TMEM108: variants seen among roughly 807,000 people sequenced by gnomAD.
TMEM108 encodes the protein cancer/testis antigen 124.
A neutral mutation model predicts 35.1 loss-of-function variants in TMEM108; 12 were observed. That is an observed-to-expected ratio of 0.34 (90% CI 0.22 to 0.55). TMEM108 has a LOEUF of 0.55. Ranked by LOEUF, TMEM108 falls within the 20% of genes least tolerant of loss-of-function variation. TMEM108 has a pLI of 0.89. For synonymous variants in TMEM108, 287 were observed against 308.6 expected, an observed-to-expected ratio of 0.93 and a Z score of 0.73; for missense variants, 680 against 753.3, an observed-to-expected ratio of 0.90 and a Z score of 1.14.
At chr3:133,324,704 G>A (rs190748788) in intron 3 of TMEM108, among the ~76,000 whole-genome samples, 31 of 152,264 alleles carry the variant, frequency 2.0e-4, no homozygotes, top group Non-Finnish European at 4.4e-5. Context: ...GTGGCTGAAC[G>A]CAGTGGCTCA....
chr3:133,202,207 G>A (rs35971054), intron 2 of TMEM108, among the ~76,000 whole-genome samples: 19,963 of 152,170 alleles, frequency 0.13, 1,424 homozygotes, highest in South Asian at 0.22. Flanking sequence ...TTTGTCAGAT[G>A]GATAGATTGC....
intron 2 of TMEM108, among the ~76,000 whole-genome samples, chr3:133,053,768 T>A (rs887533118): frequency 3.3e-5 from 5 of 152,206 alleles, no homozygotes; most frequent in African/African-American, 1.2e-4. Flanking sequence ...CAGTCCATAT[T>A]CTACTTTTAG....
intron 3 of TMEM108, among the ~76,000 whole-genome samples, chr3:133,286,659 C>T (rs1392223289): frequency 6.6e-6 from 1 of 152,214 alleles, no homozygotes; most frequent in East Asian, 1.9e-4. Flanking sequence ...TTCAACAATT[C>T]TGAAAATTCT....
intron 3 of TMEM108, among the ~76,000 whole-genome samples, chr3:133,347,596 T>C (rs1371333566): frequency 6.6e-6 from 1 of 152,142 alleles, no homozygotes; most frequent in Non-Finnish European, 1.5e-5. Context: ...AAAGTTTTAT[T>C]TATTCTCAAT....
chr3:133,246,078 G>A (rs989647534), intron 3 of TMEM108: 12 of 151,422 alleles, frequency 7.9e-5, no homozygotes, highest in African/African-American at 2.7e-4. Flanking sequence ...ACTTACGATT[G>A]GAAAAGTAGA....
chr3:133,313,201 ATT>A (rs556757614), intron 3 of TMEM108, among the ~76,000 whole-genome samples: 3 of 144,760 alleles, frequency 2.1e-5, no homozygotes, highest in East Asian at 2.0e-4. Context: ...CATATATATA[ATT>A]TTTTTTTTTT....
At chr3:133,286,476 G>GGC (rs1946987660) in intron 3 of TMEM108, among the ~76,000 whole-genome samples, 1 of 152,164 alleles carries the variant, frequency 6.6e-6, no homozygotes, top group Non-Finnish European at 1.5e-5. Context: ...CAGGACTACA[G>GGC]GCACATGCCA....
intron 3 of TMEM108, among the ~76,000 whole-genome samples, chr3:133,337,056 C>G (rs1036816600): frequency 1.3e-5 from 2 of 152,134 alleles, no homozygotes; most frequent in African/African-American, 4.8e-5. Context: ...GGTAGGTAGA[C>G]TTCTGAGGTT....
At chr3:133,209,187 A>G (rs924428086) in intron 2 of TMEM108, among the ~76,000 whole-genome samples, 1 of 149,552 alleles carries the variant, frequency 6.7e-6, no homozygotes, top group East Asian at 2.0e-4. Context: ...GACTATAGAC[A>G]CAGGCCACCA....
At chr3:133,246,267 A>AGTT (rs1946384366) in intron 3 of TMEM108, 3 of 152,194 alleles carry the variant, frequency 2.0e-5, no homozygotes, top group Admixed American at 6.5e-5. Flanking sequence ...TTAGTTTTGA[A>AGTT]GTTCCTTAGC....
At position 133,396,638 on chromosome 3, in the gene TMEM108, A is replaced by G. The variant is rs2073310334; in HGVS notation, c.*652A>G. On this transcript the variant is annotated 3_prime_UTR_variant, in exon 6 of 6. Coordinates refer to ENST00000321871, the MANE Select transcript of TMEM108 (RefSeq NM_023943.4). ...AGGCATCCCAAGGCCATATTCCCCT[A>G]ACATTACTTCCACTGCTAACAACAG... 6.6e-6 allele frequency: 1 copy of G among 152,226 alleles called. No homozygotes were observed. Among genetic ancestry groups the G allele is most frequent in the Non-Finnish European group, 1.5e-5 (1 of 68,042 alleles). 9.4% of individuals were successfully genotyped at this position (152,226 alleles called of 1,614,324 possible).
At chr3:133,340,662 C>G (rs535392978) in intron 3 of TMEM108, among the ~76,000 whole-genome samples, 1 of 151,320 alleles carries the variant, frequency 6.6e-6, no homozygotes, top group Non-Finnish European at 1.5e-5. Context: ...AATATTGATG[C>G]AAAAATTCTC....
chr3:133,243,847 G>T (rs1054450830), intron 3 of TMEM108, among the ~76,000 whole-genome samples: 2 of 152,104 alleles, frequency 1.3e-5, no homozygotes, highest in African/African-American at 4.8e-5. Context: ...AATGAGTGTC[G>T]TAGGTTGGGC....
chr3:133,077,926 A>G (rs1328814088), intron 2 of TMEM108, among the ~76,000 whole-genome samples: 3 of 152,116 alleles, frequency 2.0e-5, no homozygotes, highest in Non-Finnish European at 4.4e-5. Context: ...TCTTCCCAGG[A>G]CAGCCCGGGG....
chr3:133,149,412 A>G (rs1231334390), intron 2 of TMEM108, among the ~76,000 whole-genome samples: 1 of 152,216 alleles, frequency 6.6e-6, no homozygotes, highest in Non-Finnish European at 1.5e-5. Context: ...AGTATACAAT[A>G]CATTATAATT....
chr3:133,345,886 C>A (rs2071803699), intron 3 of TMEM108, among the ~76,000 whole-genome samples: 1 of 151,880 alleles, frequency 6.6e-6, no homozygotes, highest in South Asian at 2.1e-4. Flanking sequence ...TGGAGTAATA[C>A]AGTATGTAGC....
At chr3:133,271,862 T>G (rs532809486) in intron 3 of TMEM108, among the ~76,000 whole-genome samples, 61 of 152,340 alleles carry the variant, frequency 4.0e-4, no homozygotes, top group African/African-American at 1.5e-3. Flanking sequence ...TGTTTCAGCC[T>G]CTGTGCTGGG....
chr3:133,220,282 A>AT (rs113884324), intron 2 of TMEM108, among the ~76,000 whole-genome samples: 1,776 of 147,668 alleles, frequency 0.012, 32 homozygotes, highest in African/African-American at 0.04. Context: ...TCATCCAGTC[A>AT]TTTTTTTTTT....
intron 2 of TMEM108, among the ~76,000 whole-genome samples, chr3:133,207,674 A>G (rs1303833876): frequency 6.6e-6 from 1 of 152,188 alleles, no homozygotes; most frequent in South Asian, 2.1e-4. Flanking sequence ...CACAACAGAG[A>G]CAAGAAATTC....
Sources: gnomAD v4.1 joint callset for allele counts (sites outside exome capture counted in the v4.1 genomes callset) on GRCh38, gnomAD v4.1.1 for gene constraint, MANE v1.5 for transcripts, NCBI Gene and HGNC (gene_info 2026-07-23, HGNC 2026-07-21) for gene names.